The following GAREM1 variants were observed in gnomAD, a reference collection of about 807,000 sequenced individuals.
The protein encoded by GAREM1 is GRB2-associated and regulator of MAPK protein 1.
A neutral mutation model predicts 71.3 loss-of-function variants in GAREM1; 26 were observed. The ratio of observed to expected loss-of-function variants is 0.36; its 90% CI spans 0.27 to 0.51. GAREM1 has a LOEUF of 0.51. Ranked by LOEUF, GAREM1 falls within the 20% of genes least tolerant of loss-of-function variation. GAREM1 has a pLI of 0.95. For synonymous variants in GAREM1, 440 were observed against 433.2 expected (o/e 1.02, Z -0.20); for missense variants, 1,026 against 1,103.1 (o/e 0.93, Z 0.99).
intron 1 of GAREM1, among the ~76,000 whole-genome samples, chr18:32,424,974 C>G (rs1464952935): frequency 6.6e-6 from 1 of 152,126 alleles, no homozygotes; most frequent in East Asian, 1.9e-4. Flanking sequence ...AAGATTACAA[C>G]AGTAAGGCCC....
intron 1 of GAREM1, among the ~76,000 whole-genome samples, chr18:32,459,976 A>C (rs2048937772): frequency 1.3e-5 from 2 of 152,206 alleles, no homozygotes; most frequent in African/African-American, 4.8e-5. Flanking sequence ...AGTAACAGAT[A>C]TGTTTTAAAA....
intron 3 of GAREM1, among the ~76,000 whole-genome samples, chr18:32,294,129 A>C (rs1446782536): frequency 3.3e-5 from 5 of 152,218 alleles, no homozygotes; most frequent in African/African-American, 1.2e-4. Context: ...ACTATAAATA[A>C]AAGTATCGTT....
At chr18:32,283,237 GT>G (rs1306478601) in intron 4 of GAREM1, among the ~76,000 whole-genome samples, 3 of 152,048 alleles carry the variant, frequency 2.0e-5, no homozygotes, top group Non-Finnish European at 2.9e-5. Flanking sequence ...TAGTGTCAGT[GT>G]TTTGTTTAAA....
chr18:32,362,409 A>T (rs1357943207), intron 2 of GAREM1, among the ~76,000 whole-genome samples: 1 of 152,202 alleles, frequency 6.6e-6, no homozygotes, highest in African/African-American at 2.4e-5. Context: ...ACTTTAAACT[A>T]CAAATAATAT....
intron 1 of GAREM1, among the ~76,000 whole-genome samples, chr18:32,459,430 G>GAGGC (rs2048931000): frequency 6.6e-6 from 1 of 151,688 alleles, no homozygotes; most frequent in African/African-American, 2.4e-5. Flanking sequence ...ATGTCTCTTA[G>GAGGC]TGGCTGACTT....
chr18:32,364,011 T>TGTTTTG (rs2047896810), intron 2 of GAREM1, among the ~76,000 whole-genome samples: 1 of 57,552 alleles, frequency 1.7e-5, no homozygotes, highest in African/African-American at 9.0e-5. Flanking sequence ...TATATATATA[T>TGTTTTG]ATATATATAT....
rs2041353193 is a variant in GAREM1, at chr18:32,264,963, C to T, written c.*2908G>A. 1 of 152,222 alleles carries T rather than the reference C, an allele frequency of 6.6e-6. No individual in the cohort carries two copies. The highest frequency in any genetic ancestry group is 6.5e-5 in the Admixed American group (1 of 15,276). The allele number at this position is 152,222 out of a possible 1,614,324, so 9.4% of individuals were successfully genotyped here. ...GAGGAGATAAGATGATAAGTCTTGA[C>T]CTGGCTGGTTAGAAGGGTTCTGTGT... On this transcript the variant is annotated 3_prime_UTR_variant, in exon 6 of 6. Transcript: ENST00000269209.
intron 1 of GAREM1, among the ~76,000 whole-genome samples, chr18:32,422,810 T>C (rs2048532455): frequency 1.3e-5 from 2 of 152,118 alleles, no homozygotes; most frequent in South Asian, 4.1e-4. Flanking sequence ...CAAGAACAAA[T>C]TTGGAATCAC....
chr18:32,275,036 AC>A (rs1236106474), intron 4 of GAREM1, among the ~76,000 whole-genome samples: 1 of 152,022 alleles, frequency 6.6e-6, no homozygotes, highest in African/African-American at 2.4e-5. Flanking sequence ...ATTATTACTG[AC>A]AAGTCATTTG....
At chr18:32,418,368 C>A (rs1033867871) in intron 1 of GAREM1, among the ~76,000 whole-genome samples, 1 of 152,078 alleles carries the variant, frequency 6.6e-6, no homozygotes, top group African/African-American at 2.4e-5. Context: ...ACTGTAAACA[C>A]CCTCTACTCA....
intron 1 of GAREM1, among the ~76,000 whole-genome samples, chr18:32,394,331 G>C (rs146763266): frequency 1.3e-5 from 2 of 152,280 alleles, no homozygotes; most frequent in African/African-American, 4.8e-5. Context: ...GAGCCCGGGA[G>C]GTGGAGGCTA....
chr18:32,327,360 T>A (rs1211312973), intron 2 of GAREM1, among the ~76,000 whole-genome samples: 7 of 152,202 alleles, frequency 4.6e-5, no homozygotes, highest in Admixed American at 1.3e-4. Context: ...GTACTCATGT[T>A]GATGTTTACT....
intron 2 of GAREM1, among the ~76,000 whole-genome samples, chr18:32,358,989 A>G (rs1337284554): frequency 6.6e-6 from 1 of 152,154 alleles, no homozygotes; most frequent in Admixed American, 6.6e-5. Context: ...TCACCTGTGA[A>G]CCCACACCTC....
chr18:32,365,212 T>C (rs1212018719), intron 2 of GAREM1, among the ~76,000 whole-genome samples: 1 of 152,178 alleles, frequency 6.6e-6, no homozygotes, highest in African/African-American at 2.4e-5. Flanking sequence ...AACCAGAACC[T>C]TTACATATGT....
intron 3 of GAREM1, among the ~76,000 whole-genome samples, chr18:32,296,561 T>C (rs2047141708): frequency 6.6e-6 from 1 of 152,232 alleles, no homozygotes; most frequent in Non-Finnish European, 1.5e-5. Context: ...TTTGACAGTT[T>C]TGAAGAATAT....
chr18:32,372,096 T>G (rs1157360445), intron 2 of GAREM1, among the ~76,000 whole-genome samples: 5 of 152,170 alleles, frequency 3.3e-5, no homozygotes, highest in Admixed American at 6.5e-5. Context: ...TTGCTTTGCT[T>G]TTTAAATTAA....
chr18:32,377,491 A>G (rs888949135), intron 2 of GAREM1, among the ~76,000 whole-genome samples: 24 of 152,322 alleles, frequency 1.6e-4, no homozygotes, highest in Non-Finnish European at 2.9e-5. Flanking sequence ...CTTGTGGACC[A>G]CTTCCCTCTA....
chr18:32,280,177 T>C (rs2041594718), intron 4 of GAREM1, among the ~76,000 whole-genome samples: 1 of 152,160 alleles, frequency 6.6e-6, no homozygotes, highest in South Asian at 2.1e-4. Context: ...CAATACCTTT[T>C]CTAATATTAA....
At chr18:32,304,311 AAAAAT>A (rs1043341465) in intron 3 of GAREM1, among the ~76,000 whole-genome samples, 16 of 152,184 alleles carry the variant, frequency 1.1e-4, no homozygotes, top group African/African-American at 3.6e-4. Context: ...TGTCTCAAAA[AAAAAT>A]AAAATAACAT....
Sources: allele counts gnomAD v4.1 joint callset (sites outside exome capture counted in the v4.1 genomes callset), GRCh38; gene constraint gnomAD v4.1.1; transcripts MANE v1.5; gene names NCBI Gene and HGNC (gene_info 2026-07-23, HGNC 2026-07-21).